Variants in OR4Q3 observed in about 807,000 individuals in gnomAD.
OR4Q3 encodes the protein olfactory receptor family 4 subfamily Q member 3.
OR4Q3 carries 17 observed loss-of-function variants against 18.8 expected under a neutral mutation model. The ratio of observed to expected loss-of-function variants is 0.91; its 90% CI spans 0.62 to 1.36. OR4Q3 has a LOEUF of 1.36. Ranked by LOEUF, OR4Q3 falls within the 40% of genes most tolerant of loss-of-function variation. OR4Q3 has a pLI of 0.00. For missense variants in OR4Q3, 378 were observed against 373.4 expected (o/e 1.01, Z -0.10); for synonymous variants, 158 against 145.8 (o/e 1.08, Z -0.60).
chr14:19,743,711 C>T (rs1326035849), intron 1 of OR4Q3, 40 bp downstream of exon 1: 1 of 152,334 alleles, frequency 6.6e-6, no homozygotes, highest in Non-Finnish European at 1.5e-5. Context: ...CTCCCCTCCC[C>T]TTCCTGCTCC....
chr14:19,748,378 C>T lies in OR4Q3; in HGVS notation c.*9C>T. The T allele has an allele frequency of 1.5e-5, 23 of 1,574,452 alleles. No individual in the cohort carries two copies. The African/African-American group carries it at 2.2e-4, about 15-fold the overall frequency. On this transcript the variant is annotated 3_prime_UTR_variant, in exon 2 of 2. Transcript: ENST00000642117. ...TTCCATTGCCTTGTTAAGGAATGAGCAGAAGAGGTGATTTGAAAAACACAC... is the reference window on the plus strand; with the variant it reads ...TTCCATTGCCTTGTTAAGGAATGAGTAGAAGAGGTGATTTGAAAAACACAC...
chr14:19,752,048 A>G, downstream of OR4Q3, among the ~76,000 whole-genome samples: 4 of 152,264 alleles, frequency 2.6e-5, no homozygotes, highest in African/African-American at 9.6e-5. Flanking sequence ...TTTAAATATA[A>G]GACCACAAAC....
At chr14:19,747,277 G>A in intron 1 of OR4Q3, 129 bp from the exon 2 acceptor site, 1 of 438,124 alleles carries the variant, frequency 2.3e-6, no homozygotes, top group Non-Finnish European at 3.8e-6. Context: ...AGAGTGTACT[G>A]CCTATATTAC....
chr14:19,752,048 A>C, downstream of OR4Q3, among the ~76,000 whole-genome samples: 2 of 152,264 alleles, frequency 1.3e-5, no homozygotes, highest in African/African-American at 2.4e-5. Context: ...TTTAAATATA[A>C]GACCACAAAC....
intron 1 of OR4Q3, among the ~76,000 whole-genome samples, chr14:19,743,993 C>T (rs1877372543): frequency 6.6e-6 from 1 of 152,176 alleles, no homozygotes; most frequent in Non-Finnish European, 1.5e-5. Context: ...TTAAGACTAC[C>T]TAATTCTGCT....
At chr14:19,746,903 A>T in intron 1 of OR4Q3, among the ~76,000 whole-genome samples, 5 of 150,928 alleles carry the variant, frequency 3.3e-5, no homozygotes, top group African/African-American at 1.2e-4. Context: ...ATCTTGAGAG[A>T]TTTAGTTTTT....
At chr14:19,748,288 C>T in exon 2 of OR4Q3, 3 of 1,613,904 alleles carry the variant, frequency 1.9e-6, no homozygotes, top group Non-Finnish European at 2.5e-6. Context: ...ACCCCCTCAT[C>T]TACACACTCA....
intron 1 of OR4Q3, among the ~76,000 whole-genome samples, chr14:19,746,636 T>C: frequency 1.3e-5 from 2 of 152,196 alleles, no homozygotes; most frequent in Non-Finnish European, 2.9e-5. Flanking sequence ...ATTGAGACTA[T>C]TGCTTCTTAC....
intron 1 of OR4Q3, among the ~76,000 whole-genome samples, chr14:19,746,748 T>C: frequency 0.13 from 19,229 of 149,578 alleles, 567 homozygotes; most frequent in South Asian, 0.23. Flanking sequence ...TCCTAATATA[T>C]TTATTCATAG....
exon 2 of OR4Q3, chr14:19,749,409 A>C: frequency 6.6e-6 from 1 of 152,310 alleles, no homozygotes; most frequent in Non-Finnish European, 1.5e-5. Context: ...GACCAGCTTG[A>C]GCAATATGGA....
downstream of OR4Q3, among the ~76,000 whole-genome samples, chr14:19,752,075 C>A: frequency 6.6e-6 from 1 of 152,108 alleles, no homozygotes; most frequent in Non-Finnish European, 1.5e-5. Context: ...AATCCTAGAC[C>A]AAAATCTAGG....
At chr14:19,747,815 C>T in exon 2 of OR4Q3, 2 of 1,613,978 alleles carry the variant, frequency 1.2e-6, no homozygotes, top group Non-Finnish European at 1.7e-6. Flanking sequence ...CATCTGTAAC[C>T]CTTTGCGCTA....
At chr14:19,748,165 A>G in exon 2 of OR4Q3, 2 of 1,613,950 alleles carry the variant, frequency 1.2e-6, no homozygotes, top group African/African-American at 1.3e-5. Flanking sequence ...CTCACCTGAC[A>G]GTGGTCAGCC....
chr14:19,748,617 C>G, exon 2 of OR4Q3: 2 of 471,612 alleles, frequency 4.2e-6, no homozygotes, highest in Non-Finnish European at 7.5e-6. Flanking sequence ...CAAACGATAA[C>G]AAGCATTAAT....
downstream of OR4Q3, among the ~76,000 whole-genome samples, chr14:19,750,591 T>C: frequency 2.3e-4 from 35 of 152,374 alleles, no homozygotes; most frequent in Non-Finnish European, 4.0e-4. Flanking sequence ...TACTAGGATA[T>C]ACTGGAAAAT....
downstream of OR4Q3, among the ~76,000 whole-genome samples, chr14:19,751,994 C>T: frequency 1.3e-5 from 2 of 152,298 alleles, no homozygotes; most frequent in South Asian, 2.1e-4. Context: ...AAGCTAGACC[C>T]TTGCTTTTCA....
At chr14:19,748,474 A>G in exon 2 of OR4Q3, 1 of 831,044 alleles carries the variant, frequency 1.2e-6, no homozygotes, top group East Asian at 2.6e-5. Context: ...GGTATAAAAG[A>G]GGAGATAGCA....
chr14:19,747,596 C>T lies in OR4Q3; in HGVS notation c.193C>T (p.Gln65Ter). 2 of 1,613,998 alleles carry T rather than the reference C, an allele frequency of 1.2e-6. No homozygotes were observed. The highest frequency in any genetic ancestry group is 1.7e-6 in the Non-Finnish European group (2 of 1,179,938). ...AGTGCAAGCCCATGCTCACCTGCTC[C>T]AATCTCCTATGTATTATTTTTTAGG... The change falls in exon 2 of 2, where the codon CAA (glutamine) becomes TAA (stop). Residue 65 changes from glutamine (Q) to a stop codon, truncating the protein, a stop_gained. Transcript: ENST00000642117. LOFTEE classifies it high-confidence loss of function.
exon 2 of OR4Q3, chr14:19,748,590 G>C: frequency 2.0e-6 from 1 of 498,958 alleles, no homozygotes. Context: ...CAGGAACTCA[G>C]TAGAATTTAC....
Sources: allele counts gnomAD v4.1 joint callset (sites outside exome capture counted in the v4.1 genomes callset), GRCh38; gene constraint gnomAD v4.1.1; transcripts MANE v1.5; gene names NCBI Gene and HGNC (gene_info 2026-07-23, HGNC 2026-07-21).